Variants in ALAS1 observed in about 807,000 individuals in gnomAD.
ALAS1 encodes 5'-aminolevulinate synthase 1.
In ALAS1, 29 loss-of-function variants were observed where a neutral mutation model predicts 59.6. The observed-to-expected ratio is 0.49, with a 90% CI of 0.36 to 0.66. The LOEUF (loss-of-function observed/expected upper bound fraction) is 0.66. ALAS1 is among the 30% of genes least tolerant of loss of function. ALAS1 has a pLI of 0.00. For missense variants in ALAS1, 690 were observed against 807.5 expected (o/e 0.85, Z 1.76); for synonymous variants, 299 against 296.6 (o/e 1.01, Z -0.08).
At position 52,212,417 on chromosome 3, in the gene ALAS1, C is replaced by G; in HGVS notation, c.1759C>G (p.Leu587Val). ...HHTPQMMNYF[L>V]ENLLVTWKQV... ...CACACCCCAGATGATGAACTACTTC[C>G]TTGGTGAGTACCTGGGGAGCTGCTG... is the stretch of plus-strand genomic sequence containing the variant. Residue 587 changes from leucine (L) to valine (V), a missense_variant, in exon 11 of 12, where the codon CTT becomes GTT. Leu to Val is a conservative substitution (Grantham distance 32, BLOSUM62 1). Coordinates refer to ENST00000484952, the MANE Select transcript of ALAS1 (RefSeq NM_000688.6). 1 of 1,613,864 alleles carries G rather than the reference C, an allele frequency of 6.2e-7. No individual in the cohort carries two copies. The highest frequency in any genetic ancestry group is 8.5e-7 in the Non-Finnish European group (1 of 1,179,960).
At chr3:52,210,193 A>G (rs1399848346) in intron 9 of ALAS1, among the ~76,000 whole-genome samples, 1 of 152,256 alleles carries the variant, frequency 6.6e-6, no homozygotes, top group East Asian at 1.9e-4. Flanking sequence ...CTGTGGGAGG[A>G]TGGTACAAGC....
At position 52,208,254 on chromosome 3, in the gene ALAS1, A is replaced by G; in HGVS notation, c.1330+7A>G. 6.2e-7 allele frequency: 1 copy of G among 1,614,022 alleles called. No individual in the cohort carries two copies. Among genetic ancestry groups the G allele is most frequent in the Non-Finnish European group, 8.5e-7 (1 of 1,179,908 alleles). The stretch of plus-strand genomic sequence containing the variant: ...ATCATTTCTGGAACACTTGGTATGT[A>G]TACATTGTATTACATACACTAAAAT... On this transcript the variant is annotated splice_region_variant and intron_variant, in intron 9 of 11. Coordinates refer to ENST00000484952, the MANE Select transcript of ALAS1 (RefSeq NM_000688.6).
intron 9 of ALAS1, among the ~76,000 whole-genome samples, chr3:52,209,215 C>A (rs1263363025): frequency 5.3e-5 from 8 of 151,620 alleles, no homozygotes; most frequent in African/African-American, 7.3e-5. Flanking sequence ...TCTTTTTTTT[C>A]TTTTTTTTCC....
rs780502682 is a variant in ALAS1, at chr3:52,205,926, G to C, written c.888G>C (p.Glu296Asp). ...TSKFHVDLERELADLHGKDAA... is the reference protein window; with the variant it reads ...TSKFHVDLERDLADLHGKDAA... ...AATTCCATGTGGACTTAGAGCGGGA[G>C]CTGGCAGACCTCCATGGGAAAGATG... is the stretch of plus-strand genomic sequence containing the variant. The change falls in exon 7 of 12, where the codon GAG becomes GAC. Residue 296 changes from glutamate (E) to aspartate (D), a missense_variant. By Grantham distance (45) the Glu-to-Asp change is conservative. Coordinates refer to ENST00000484952, the MANE Select transcript of ALAS1 (RefSeq NM_000688.6). 4 of 1,614,210 alleles carry C rather than the reference G, an allele frequency of 2.5e-6. No homozygotes were observed. Among genetic ancestry groups the C allele is most frequent in the Non-Finnish European group, 3.4e-6 (4 of 1,180,026 alleles).
chr3:52,199,793 T>G (rs138925874), intron 3 of ALAS1, among the ~76,000 whole-genome samples: 1 of 152,364 alleles, frequency 6.6e-6, no homozygotes, highest in East Asian at 1.9e-4. Flanking sequence ...ATTTCCCTCA[T>G]TAAACATTTG....
intron 2 of ALAS1, 78 bp from the exon 3 acceptor site, chr3:52,199,132 C>T: frequency 3.6e-6 from 5 of 1,403,110 alleles, no homozygotes; most frequent in South Asian, 2.5e-5. Context: ...ATATAAACTG[C>T]GGTTGACACC....
At chr3:52,200,516 T>C (rs898389815) in intron 3 of ALAS1, among the ~76,000 whole-genome samples, 1 of 152,204 alleles carries the variant, frequency 6.6e-6, no homozygotes, top group Non-Finnish European at 1.5e-5. Context: ...GGTGGTTTGA[T>C]CACCTGAGGC....
At chr3:52,212,716 A>G (rs1161744730) in intron 11 of ALAS1, among the ~76,000 whole-genome samples, 2 of 151,904 alleles carry the variant, frequency 1.3e-5, no homozygotes, top group Non-Finnish European at 2.9e-5. Context: ...TTTTTAGTAG[A>G]GATGGGGTTT....
rs1699430294 is a variant in ALAS1, at chr3:52,212,426, T to A, written c.1762+6T>A. ...GATGATGAACTACTTCCTTGGTGAG[T>A]ACCTGGGGAGCTGCTGGTGCCTCAC... On this transcript the variant is annotated splice_donor_region_variant and intron_variant, in intron 11 of 11. Transcript: ENST00000484952. 2 of 1,613,624 alleles carry A rather than the reference T, an allele frequency of 1.2e-6. No homozygotes were observed. Among genetic ancestry groups the A allele is most frequent in the Non-Finnish European group, 8.5e-7 (1 of 1,179,914 alleles).
chr3:52,209,087 A>G (rs1699351840), intron 9 of ALAS1, among the ~76,000 whole-genome samples: 1 of 152,256 alleles, frequency 6.6e-6, no homozygotes, highest in Admixed American at 6.5e-5. Context: ...AGCGTCCTTC[A>G]GCACTGTCAA....
intron 3 of ALAS1, among the ~76,000 whole-genome samples, chr3:52,200,614 T>C (rs1212933341): frequency 6.6e-6 from 1 of 152,228 alleles, no homozygotes; most frequent in Non-Finnish European, 1.5e-5. Flanking sequence ...TGTACGCCTG[T>C]AATCCCAGCT....
chr3:52,201,326 T>C (rs1699182254), intron 3 of ALAS1, among the ~76,000 whole-genome samples: 1 of 152,232 alleles, frequency 6.6e-6, no homozygotes, highest in African/African-American at 2.4e-5. Context: ...GAATGTGATA[T>C]ACCCCTATTT....
intron 2 of ALAS1, 120 bp downstream of exon 2, chr3:52,198,968 T>C (rs376244468): frequency 1.2e-5 from 10 of 837,376 alleles, no homozygotes; most frequent in Admixed American, 2.9e-5. Flanking sequence ...TCAGTATTCA[T>C]TTGGTGAAGT....
At chr3:52,199,689 G>A (rs1334274808) in intron 3 of ALAS1, among the ~76,000 whole-genome samples, 1 of 152,222 alleles carries the variant, frequency 6.6e-6, no homozygotes, top group Non-Finnish European at 1.5e-5. Flanking sequence ...GCACGTTAGT[G>A]TCTATAGGGG....
intron 4 of ALAS1, among the ~76,000 whole-genome samples, chr3:52,203,270 G>A (rs1010100254): frequency 6.6e-6 from 1 of 152,230 alleles, no homozygotes; most frequent in Non-Finnish European, 1.5e-5. Context: ...ACCAGGCCCA[G>A]TGGCTCACAC....
In ALAS1 at chr3:52,203,945, C is replaced by G. The variant is rs1283983824; in HGVS notation, c.510C>G (p.Phe170Leu). 2 of 1,613,546 alleles carry G rather than the reference C, an allele frequency of 1.2e-6. No individual in the cohort carries two copies. Among genetic ancestry groups the G allele is most frequent in the South Asian group, 1.1e-5 (1 of 91,012 alleles). Residue 170 changes from phenylalanine to leucine, a missense_variant, in exon 5 of 12, where the codon TTC becomes TTG. Transcript: ENST00000484952. ...ATCCCAGTGGACTGCTGAAGAACTT[C>G]CAGGACATCATGCAAAAGCAAAGAC... ...GGDPSGLLKNFQDIMQKQRPE... is the reference protein window; with the variant it reads ...GGDPSGLLKNLQDIMQKQRPE...
intron 2 of ALAS1, 98 bp from the exon 3 acceptor site, chr3:52,199,112 G>A (rs1296116407): frequency 1.6e-6 from 2 of 1,228,796 alleles, no homozygotes; most frequent in Non-Finnish European, 2.3e-6. Flanking sequence ...AGTATTCCAG[G>A]GTACCCTTTA....
Position 52,206,604 on chromosome 3 carries a change from G to T in ALAS1, c.1018G>T (p.Ala340Ser), listed in dbSNP as rs201312610. The T allele has an allele frequency of 1.3e-4, 213 of 1,614,074 alleles. No homozygotes were observed. The highest frequency in any genetic ancestry group is 1.6e-4 in the Middle Eastern group (1 of 6,084). ...GATTTACTCTGATTCTGGGAACCAT[G>T]CCTCCATGATCCAAGGGATTCGAAA... is the stretch of plus-strand genomic sequence containing the variant. ...CEIYSDSGNH[A>S]SMIQGIRNSR... The change falls in exon 8 of 12, where the codon GCC becomes TCC. Residue 340 changes from alanine (A) to serine (S), a missense_variant. Ala to Ser is a moderately conservative substitution (Grantham distance 99). Coordinates refer to ENST00000484952, the MANE Select transcript of ALAS1 (RefSeq NM_000688.6).
chr3:52,198,875 G>C, intron 2 of ALAS1, 27 bp downstream of exon 2: 1 of 1,535,412 alleles, frequency 6.5e-7, no homozygotes, highest in South Asian at 1.2e-5. Flanking sequence ...TATCTGCACT[G>C]TGCATCTCCC....
Sources: allele counts gnomAD v4.1 joint callset (sites outside exome capture counted in the v4.1 genomes callset), GRCh38; gene constraint gnomAD v4.1.1; transcripts MANE v1.5; gene names NCBI Gene and HGNC (gene_info 2026-07-23, HGNC 2026-07-21).